Variants in OSBPL3 observed in about 807,000 individuals in gnomAD.
The protein encoded by OSBPL3 is oxysterol binding protein like 3, also known as oxysterol-binding protein-related protein 3.
A neutral mutation model predicts 120.1 loss-of-function variants in OSBPL3; 65 were observed. That is an observed-to-expected ratio of 0.54 (90% confidence interval 0.44 to 0.67). The LOEUF (loss-of-function observed/expected upper bound fraction) is 0.67. OSBPL3 is among the 30% of genes least tolerant of loss of function. The probability of loss-of-function intolerance (pLI) is 0.00; values close to 1 mark genes in which losing one functional copy is unlikely to be tolerated. For missense variants in OSBPL3, 1,004 were observed against 1,082.1 expected (o/e 0.93, Z 1.01); for synonymous variants, 416 against 402.6 (o/e 1.03, Z -0.40).
At chr7:24,886,653 A>C (rs1562884921) in intron 2 of OSBPL3, among the ~76,000 whole-genome samples, 1 of 152,242 alleles carries the variant, frequency 6.6e-6, no homozygotes, top group Non-Finnish European at 1.5e-5. Flanking sequence ...AAATAAAAGG[A>C]TGTATAAACA....
rs1244647795 is a variant in OSBPL3 at position 24,824,799 on chromosome 7, T to A, written c.1885-4561A>T. Among the ~76,000 whole-genome samples the A allele has an allele frequency of 6.6e-6, 1 of 152,064 alleles. No individual in the cohort carries two copies. Among genetic ancestry groups the A allele is most frequent in the Non-Finnish European group, 1.5e-5 (1 of 67,998 alleles). On this transcript the variant is annotated intron_variant, in intron 16 of 22. Transcript: ENST00000313367. This position sits in a 1 kb window ranked among gnomAD's most constrained non-coding sequence, Gnocchi z 4.9. ...GGCATGAGGATGTGGGGACAGTGAG[T>A]AGGAGTGCTGGTCAGACAGGGTGGT...
Position 24,863,693 on chromosome 7 carries a change from G to C in OSBPL3, c.674-94C>G. 1 of 809,926 alleles carries C rather than the reference G, an allele frequency of 1.2e-6. No individual in the cohort carries two copies. The allele number at this position is 809,926 out of a possible 1,614,324, so 50.2% of individuals were successfully genotyped here. On this transcript the variant is annotated intron_variant, in intron 7 of 22. Coordinates refer to ENST00000313367, the MANE Select transcript of OSBPL3 (RefSeq NM_015550.4). The surrounding 1 kb of genome is among the most constrained non-coding windows in gnomAD (Gnocchi z 5.8). ...GCCAGCTACTTTTCCTTATTTATCT[G>C]TAGTTGATTTTTTTTTTCATCTGTA...
In OSBPL3 at chr7:24,818,226, T is replaced by G. The variant is rs1188711672; in HGVS notation, c.1949-1538A>C. On this transcript the variant is annotated intron_variant, in intron 17 of 22. Transcript: ENST00000313367. This position sits in a 1 kb window ranked among gnomAD's most constrained non-coding sequence, Gnocchi z 4.0. Reference sequence around the variant, plus strand: ...GTGATGAAAATGTTCTAAAATTAACTGTGCTGATAACTGCACAGTTTATTA... The same window carrying G: ...GTGATGAAAATGTTCTAAAATTAACGGTGCTGATAACTGCACAGTTTATTA... Among the ~76,000 whole-genome samples the G allele has an allele frequency of 1.3e-5, 2 of 152,230 alleles. No individual in the cohort carries two copies. The highest frequency in any genetic ancestry group is 2.9e-5 in the Non-Finnish European group (2 of 68,046).
At chr7:24,926,970 T>C (rs1487275946) in intron 1 of OSBPL3, among the ~76,000 whole-genome samples, 3 of 152,234 alleles carry the variant, frequency 2.0e-5, no homozygotes, top group African/African-American at 7.2e-5. Context: ...TTGAGTTGAA[T>C]GGAAGAAAAT....
In OSBPL3 at chr7:24,798,729, G is replaced by A. The variant is rs1324701543; in HGVS notation, c.*1454C>T. ...ATTTTACTCTTCATTCATAACATTCGATATGCTCTGAATTTCTTTAAGTAT... is the reference window on the plus strand; with the variant it reads ...ATTTTACTCTTCATTCATAACATTCAATATGCTCTGAATTTCTTTAAGTAT... On this transcript the variant is annotated 3_prime_UTR_variant, in exon 23 of 23. Transcript: ENST00000313367. This position sits in a 1 kb window ranked among gnomAD's most constrained non-coding sequence, Gnocchi z 4.6. 2 of 152,612 alleles carry A rather than the reference G, an allele frequency of 1.3e-5. No individual in the cohort carries two copies. The highest frequency in any genetic ancestry group is 6.5e-5 in the Admixed American group (1 of 15,288). 9.5% of individuals were successfully genotyped at this position (152,612 alleles called of 1,614,324 possible).
At chr7:24,840,607 T>C in intron 14 of OSBPL3, 83 bp downstream of exon 14, 2 of 576,264 alleles carry the variant, frequency 3.5e-6, no homozygotes, top group Non-Finnish European at 6.0e-6. Context: ...TGAACCCCCA[T>C]ATTGTTCAAG....
intron 1 of OSBPL3, among the ~76,000 whole-genome samples, chr7:24,910,218 T>G (rs748127532): frequency 2.0e-5 from 3 of 152,150 alleles, no homozygotes; most frequent in Non-Finnish European, 2.9e-5. Context: ...TTTCACCTTC[T>G]CCAGCAAGCC....
rs1818090465 is a variant in OSBPL3, at chr7:24,979,903, G to A, written c.-167C>T. On this transcript the variant is annotated 5_prime_UTR_variant, in exon 1 of 23. Coordinates refer to ENST00000313367, the MANE Select transcript of OSBPL3 (RefSeq NM_015550.4). ...CCACTCACCTGAGCGCTGTGCAGCC[G>A]GAGACGCTCCCTAGTTCCCCGGGGC... is the stretch of plus-strand genomic sequence containing the variant. 5.1e-6 allele frequency: 5 copies of A among 984,064 alleles called. No homozygotes were observed. Among genetic ancestry groups the A allele is most frequent in the Non-Finnish European group, 6.0e-6 (5 of 829,552 alleles). 61.0% of individuals were successfully genotyped at this position (984,064 alleles called of 1,614,324 possible). A position where few individuals can be genotyped will look rare whatever the true frequency, so the allele number is the denominator to read the frequency against.
At chr7:24,929,320 G>A (rs915321717) in intron 1 of OSBPL3, among the ~76,000 whole-genome samples, 17 of 152,244 alleles carry the variant, frequency 1.1e-4, no homozygotes, top group East Asian at 3.9e-4. Context: ...GGTCGTTGTC[G>A]TAAATTTTAT....
At chr7:24,885,801 C>T (rs1562883816) in intron 2 of OSBPL3, among the ~76,000 whole-genome samples, 1 of 152,150 alleles carries the variant, frequency 6.6e-6, no homozygotes, top group Non-Finnish European at 1.5e-5. Context: ...TAATAACAGG[C>T]TCTCAATACA....
At chr7:24,888,348 T>C (rs991992739) in intron 2 of OSBPL3, among the ~76,000 whole-genome samples, 3 of 152,236 alleles carry the variant, frequency 2.0e-5, no homozygotes, top group African/African-American at 7.2e-5. Flanking sequence ...ACTATTATTA[T>C]TCCAATTTTA....
Position 24,863,117 on chromosome 7 carries a change from G to A in OSBPL3, c.870+83C>T. On this transcript the variant is annotated intron_variant, in intron 9 of 22. Transcript: ENST00000313367. The surrounding 1 kb of genome is among the most constrained non-coding windows in gnomAD (Gnocchi z 5.8). ...GAATATTCACTCATCTATTCTCCTA[G>A]CTGAGTCAAGGTAGCTGCTGGCACA... 1 of 912,558 alleles carries A rather than the reference G, an allele frequency of 1.1e-6. No individual in the cohort carries two copies. The highest frequency in any genetic ancestry group is 1.8e-6 in the Non-Finnish European group (1 of 543,226). The allele number at this position is 912,558 out of a possible 1,614,324, so 56.5% of individuals were successfully genotyped here.
intron 1 of OSBPL3, among the ~76,000 whole-genome samples, chr7:24,917,414 ATATATATATATATT>A (rs1297434798): frequency 7.1e-6 from 1 of 141,030 alleles, no homozygotes; most frequent in East Asian, 2.0e-4. Context: ...ATATATATAT[ATATATATATATATT>A]TGTAACATAT....
rs34650111 is a variant in OSBPL3 at position 24,820,817 on chromosome 7, T to TA, written c.1885-580dup. Among the ~76,000 whole-genome samples, 34,205 of 146,948 alleles carry TA rather than the reference T, an allele frequency of 0.23. 4,297 individuals are homozygous for TA. Among genetic ancestry groups the TA allele is most frequent in the East Asian group, 0.4 (2,035 of 5,064 alleles). On this transcript the variant is annotated intron_variant, in intron 16 of 22. Transcript: ENST00000313367. The surrounding 1 kb of genome is among the most constrained non-coding windows in gnomAD (Gnocchi z 4.6). ...TTTTTTTAAAAAAGAGTGTTTCTAT[T>TA]AAAAAAAAAAAAGGTAAACACAATT... is the stretch of plus-strand genomic sequence containing the variant.
chr7:24,957,379 T>C (rs931131309), intron 1 of OSBPL3, among the ~76,000 whole-genome samples: 6 of 152,178 alleles, frequency 3.9e-5, no homozygotes, highest in African/African-American at 1.4e-4. Flanking sequence ...ATTACTTCTT[T>C]CGTAATGAAT....
intron 14 of OSBPL3, 75 bp downstream of exon 14, chr7:24,840,615 A>C (rs923984645): frequency 3.2e-6 from 2 of 616,924 alleles, no homozygotes; most frequent in African/African-American, 1.9e-5. Context: ...CATATTGTTC[A>C]AGAGTCAACT....
intron 1 of OSBPL3, among the ~76,000 whole-genome samples, chr7:24,956,882 A>G (rs1815125963): frequency 6.6e-6 from 1 of 152,112 alleles, no homozygotes; most frequent in Admixed American, 6.5e-5. Flanking sequence ...CCTTTTTAAA[A>G]TGTGTTCTCT....
At position 24,872,944 on chromosome 7, in the gene OSBPL3, T is replaced by G. The variant is rs1266252643; in HGVS notation, c.97-875A>C. 6.6e-6 allele frequency among the ~76,000 whole-genome samples: 1 copy of G among 152,204 alleles called. No individual in the cohort carries two copies. The highest frequency in any genetic ancestry group is 2.4e-5 in the African/African-American group (1 of 41,456). ...AGTGACTGGGAGAATTTATTTTTAT[T>G]ATTATTTTTACATTTTTATTGGGGT... On this transcript the variant is annotated intron_variant, in intron 2 of 22. Coordinates refer to ENST00000313367, the MANE Select transcript of OSBPL3 (RefSeq NM_015550.4). This position sits in a 1 kb window ranked among gnomAD's most constrained non-coding sequence, Gnocchi z 4.1.
chr7:24,828,606 G>GAAAAAAGAAAA (rs1491571662), intron 16 of OSBPL3, among the ~76,000 whole-genome samples: 4 of 32,522 alleles, frequency 1.2e-4, no homozygotes, highest in South Asian at 8.5e-4. Context: ...GACTCTGTCT[G>GAAAAAAGAAAA]AAAAAAAAAA....
Sources: gnomAD v4.1 joint callset for allele counts (sites outside exome capture counted in the v4.1 genomes callset) on GRCh38, gnomAD v4.1.1 for gene constraint, Gnocchi (gnomAD v3.1) non-coding constraint, MANE v1.5 for transcripts, NCBI Gene and HGNC (gene_info 2026-07-23, HGNC 2026-07-21) for gene names.